The following TENM2 variants were observed in gnomAD, a reference collection of about 807,000 sequenced individuals.
TENM2 encodes the protein teneurin transmembrane protein 2.
TENM2 carries 52 observed loss-of-function variants against 245.2 expected under a neutral mutation model. The observed-to-expected ratio is 0.21, with a 90% CI of 0.17 to 0.27. TENM2 has a LOEUF of 0.27. Ranked by LOEUF, TENM2 falls within the 10% of genes least tolerant of loss-of-function variation. TENM2 has a pLI of 1.00. For missense variants in TENM2, 3,046 were observed against 3,666.8 expected (o/e 0.83, Z 4.37); for synonymous variants, 1,363 against 1,438.9 (o/e 0.95, Z 1.19).
chr5:168,262,911 G>A, exon 29 of TENM2: 1 of 1,164,824 alleles, frequency 8.6e-7, no homozygotes, highest in East Asian at 2.6e-5. Context: ...ACTGCGGCTG[G>A]GCTGCTTTAG....
At chr5:167,308,420 A>G (rs1755807590) in intron 1 of TENM2, among the ~76,000 whole-genome samples, 1 of 152,152 alleles carries the variant, frequency 6.6e-6, no homozygotes, top group African/African-American at 2.4e-5. Flanking sequence ...GTTTATTAGC[A>G]CCAAATTTTT....
chr5:167,360,134 A>G (rs969120624), intron 1 of TENM2, among the ~76,000 whole-genome samples: 2 of 152,164 alleles, frequency 1.3e-5, no homozygotes, highest in Non-Finnish European at 2.9e-5. Flanking sequence ...AGTTTACTCA[A>G]ACAAGAAACC....
intron 25 of TENM2, among the ~76,000 whole-genome samples, chr5:168,232,837 G>C (rs999973384): frequency 1.3e-5 from 2 of 152,202 alleles, no homozygotes; most frequent in Non-Finnish European, 2.9e-5. Flanking sequence ...GATGGCGGAT[G>C]GATAGACCGG....
intron 2 of TENM2, among the ~76,000 whole-genome samples, chr5:167,794,666 G>A (rs1423161111): frequency 6.6e-6 from 1 of 152,220 alleles, no homozygotes; most frequent in African/African-American, 2.4e-5. Flanking sequence ...AGGTGAGTAG[G>A]AGTCAGATTC....
intron 2 of TENM2, among the ~76,000 whole-genome samples, chr5:167,708,572 G>A (rs279405): frequency 0.32 from 48,084 of 151,886 alleles, 8,588 homozygotes; most frequent in East Asian, 0.54. Flanking sequence ...GTGAGTCCCA[G>A]TTCTATTTCT....
At chr5:167,336,866 C>T (rs1291399695) in intron 1 of TENM2, among the ~76,000 whole-genome samples, 1 of 151,078 alleles carries the variant, frequency 6.6e-6, no homozygotes, top group African/African-American at 2.4e-5. Context: ...GCCTGTAATC[C>T]CAGCACTTTG....
intron 1 of TENM2, among the ~76,000 whole-genome samples, chr5:167,362,846 T>C (rs1400156472): frequency 1.3e-5 from 2 of 152,298 alleles, no homozygotes; most frequent in African/African-American, 4.8e-5. Context: ...ATTTTGTAGT[T>C]TTATATTTAC....
At chr5:168,197,940 C>G (rs1581606520) in intron 15 of TENM2, among the ~76,000 whole-genome samples, 1 of 152,178 alleles carries the variant, frequency 6.6e-6, no homozygotes, top group Non-Finnish European at 1.5e-5. Context: ...CTGTAATGAG[C>G]TCCTCTCTGT....
intron 3 of TENM2, among the ~76,000 whole-genome samples, chr5:167,926,729 C>CACAT (rs1164743127): frequency 1.4e-5 from 2 of 142,340 alleles, no homozygotes; most frequent in African/African-American, 5.9e-5. Flanking sequence ...CACACACACA[C>CACAT]ACACACACAC....
At chr5:168,080,369 T>C (rs374697393) in intron 7 of TENM2, among the ~76,000 whole-genome samples, 2 of 152,350 alleles carry the variant, frequency 1.3e-5, no homozygotes, top group East Asian at 3.9e-4. Context: ...TGTTGATCTT[T>C]TCAAAAAACC....
chr5:167,222,009 A>G, the TENM2 span, among the ~76,000 whole-genome samples: 3 of 152,204 alleles, frequency 2.0e-5, no homozygotes, highest in Admixed American at 6.5e-5. Context: ...CGCATAGCTC[A>G]ATTCTACGTC....
chr5:167,701,456 T>G (rs1561685847), intron 2 of TENM2, among the ~76,000 whole-genome samples: 1 of 151,990 alleles, frequency 6.6e-6, no homozygotes, highest in African/African-American at 2.4e-5. Context: ...AGAGTAGCAA[T>G]TACTCATTCT....
intron 2 of TENM2, among the ~76,000 whole-genome samples, chr5:167,485,326 CA>C (rs1431801032): frequency 6.6e-6 from 1 of 152,114 alleles, no homozygotes; most frequent in Non-Finnish European, 1.5e-5. Flanking sequence ...AAACAGACTA[CA>C]AAAAGCAGTA....
At chr5:167,331,842 G>A (rs368177806) in intron 1 of TENM2, among the ~76,000 whole-genome samples, 1 of 152,274 alleles carries the variant, frequency 6.6e-6, no homozygotes, top group African/African-American at 2.4e-5. Flanking sequence ...ACAACTCTGA[G>A]TGCATTTACT....
At chr5:167,640,184 T>C (rs143559955) in intron 2 of TENM2, among the ~76,000 whole-genome samples, 12 of 152,324 alleles carry the variant, frequency 7.9e-5, no homozygotes, top group Admixed American at 2.0e-4. Context: ...CCAACTTCAA[T>C]TCTTTCTAGC....
At chr5:167,995,419 T>G (rs904145541) in intron 5 of TENM2, among the ~76,000 whole-genome samples, 2 of 152,218 alleles carry the variant, frequency 1.3e-5, no homozygotes, top group Non-Finnish European at 2.9e-5. Context: ...ATGTATTCTT[T>G]AGGTAAGATT....
intron 2 of TENM2, among the ~76,000 whole-genome samples, chr5:167,516,776 TGCTTGCG>T (rs1770408470): frequency 6.6e-6 from 1 of 152,336 alleles, no homozygotes; most frequent in East Asian, 1.9e-4. Flanking sequence ...CAGAGTTCTG[TGCTTGCG>T]GCTTCATTAA....
At chr5:167,190,041 A>T in the TENM2 span, among the ~76,000 whole-genome samples, 1 of 152,030 alleles carries the variant, frequency 6.6e-6, no homozygotes, top group Non-Finnish European at 1.5e-5. Context: ...TCTTCAAAGC[A>T]AGCTGGCTTT....
chr5:167,405,393 G>C (rs1361492405), intron 2 of TENM2, among the ~76,000 whole-genome samples: 1 of 151,980 alleles, frequency 6.6e-6, no homozygotes, highest in East Asian at 1.9e-4. Flanking sequence ...TTCTCATTTT[G>C]CATAAATGGA....
Sources: allele counts gnomAD v4.1 joint callset (sites outside exome capture counted in the v4.1 genomes callset), GRCh38; gene constraint gnomAD v4.1.1; transcripts MANE v1.5; gene names NCBI Gene and HGNC (gene_info 2026-07-23, HGNC 2026-07-21).